Variants in ZMAT4 observed in about 807,000 individuals in gnomAD.
ZMAT4 encodes zinc finger matrin-type protein 4.
Under a neutral mutation model 28.7 loss-of-function variants are expected in ZMAT4, and 17 were observed. That is an observed-to-expected ratio of 0.59 (90% CI 0.41 to 0.89). The LOEUF (loss-of-function observed/expected upper bound fraction) is 0.89, where lower values mean the gene tolerates loss of function less well. Among genes scored for constraint, ZMAT4 ranks in the 40% least tolerant of loss-of-function variants. The pLI is 0.00. For missense variants in ZMAT4, 240 were observed against 283.8 expected, an observed-to-expected ratio of 0.85 and a Z score of 1.11; for synonymous variants, 117 against 109.2, an observed-to-expected ratio of 1.07 and a Z score of -0.44.
chr8:40,667,336 A>T (rs1404208410), intron 5 of ZMAT4, among the ~76,000 whole-genome samples: 1 of 151,962 alleles, frequency 6.6e-6, no homozygotes. Flanking sequence ...TTGTATTTTT[A>T]GTAGAGACAG....
chr8:40,645,156 A>T (rs1165113861), intron 5 of ZMAT4, among the ~76,000 whole-genome samples: 1 of 152,232 alleles, frequency 6.6e-6, no homozygotes, highest in African/African-American at 2.4e-5. Flanking sequence ...ATTAATTGTG[A>T]CAAATGTGAG....
At chr8:40,758,731 T>C (rs1262518953) in intron 3 of ZMAT4, among the ~76,000 whole-genome samples, 1 of 152,066 alleles carries the variant, frequency 6.6e-6, no homozygotes, top group Non-Finnish European at 1.5e-5. Flanking sequence ...TAAATAGGAT[T>C]TTGACCCTTC....
intron 3 of ZMAT4, among the ~76,000 whole-genome samples, chr8:40,732,895 G>T (rs909422318): frequency 4.3e-5 from 6 of 140,572 alleles, no homozygotes; most frequent in African/African-American, 8.0e-5. Context: ...GCTCAGGCTG[G>T]AATGCAGTGG....
intron 6 of ZMAT4, among the ~76,000 whole-genome samples, chr8:40,554,551 C>T (rs1219321016): frequency 6.6e-6 from 1 of 152,112 alleles, no homozygotes; most frequent in Admixed American, 6.6e-5. Context: ...CTGTCTCATA[C>T]CACTTTCTCA....
intron 6 of ZMAT4, among the ~76,000 whole-genome samples, chr8:40,573,201 A>G (rs57043464): frequency 0.11 from 16,184 of 152,176 alleles, 1,552 homozygotes; most frequent in African/African-American, 0.26. Context: ...GCTTAGTAAA[A>G]TGTGTCTAAA....
intron 5 of ZMAT4, among the ~76,000 whole-genome samples, chr8:40,584,857 C>T (rs544611836): frequency 3.3e-5 from 5 of 152,262 alleles, no homozygotes; most frequent in East Asian, 1.9e-4. Context: ...TGGTCTCAAA[C>T]GCCAGATCTC....
chr8:40,750,812 A>G (rs1196809059), intron 3 of ZMAT4, among the ~76,000 whole-genome samples: 2 of 152,222 alleles, frequency 1.3e-5, no homozygotes, highest in Non-Finnish European at 2.9e-5. Context: ...CCCCCCAAAA[A>G]CAAACACCAG....
chr8:40,673,218 T>C (rs555946255), intron 5 of ZMAT4, among the ~76,000 whole-genome samples: 2 of 152,312 alleles, frequency 1.3e-5, no homozygotes, highest in South Asian at 4.1e-4. Context: ...CCACCCACTT[T>C]TCTAGTTCCA....
chr8:40,580,258 C>T (rs1804416063), intron 6 of ZMAT4, among the ~76,000 whole-genome samples: 2 of 152,060 alleles, frequency 1.3e-5, no homozygotes, highest in Admixed American at 1.3e-4. Context: ...CTGATCCGCC[C>T]ACCTCAGCCT....
At chr8:40,646,895 T>C (rs1033779490) in intron 5 of ZMAT4, among the ~76,000 whole-genome samples, 3 of 152,238 alleles carry the variant, frequency 2.0e-5, no homozygotes, top group Non-Finnish European at 2.9e-5. Flanking sequence ...AAAAACAGTA[T>C]ACATATTCTT....
intron 5 of ZMAT4, among the ~76,000 whole-genome samples, chr8:40,583,716 C>T (rs543703968): frequency 5.3e-5 from 8 of 152,224 alleles, no homozygotes; most frequent in Non-Finnish European, 2.9e-5. Flanking sequence ...TTTTAGGGAG[C>T]CACGAGGCAT....
At chr8:40,827,813 T>A (rs1816125389) in intron 1 of ZMAT4, among the ~76,000 whole-genome samples, 1 of 152,184 alleles carries the variant, frequency 6.6e-6, no homozygotes, top group South Asian at 2.1e-4. Context: ...AGGCAACCTG[T>A]TCCAGAGAGG....
At chr8:40,895,319 C>T (rs535442291) in intron 1 of ZMAT4, among the ~76,000 whole-genome samples, 4 of 152,310 alleles carry the variant, frequency 2.6e-5, no homozygotes, top group South Asian at 2.1e-4. Context: ...CAAACAGGCA[C>T]GCAGCTTCAC....
At chr8:40,814,995 C>G (rs1815473362) in intron 2 of ZMAT4, among the ~76,000 whole-genome samples, 1 of 152,118 alleles carries the variant, frequency 6.6e-6, no homozygotes, top group Non-Finnish European at 1.5e-5. Context: ...ACAGGAGAGG[C>G]CAGGCTTGGC....
chr8:40,666,880 C>CA (rs1340475139), intron 5 of ZMAT4, among the ~76,000 whole-genome samples: 3 of 151,682 alleles, frequency 2.0e-5, no homozygotes, highest in Non-Finnish European at 4.4e-5. Context: ...CTAGAAATAT[C>CA]AAAAAATTAA....
chr8:40,619,626 G>A (rs1328069232), intron 5 of ZMAT4, among the ~76,000 whole-genome samples: 2 of 152,188 alleles, frequency 1.3e-5, no homozygotes, highest in Admixed American at 6.5e-5. Flanking sequence ...GGCATGCAGG[G>A]GCAAGGTCCA....
intron 5 of ZMAT4, among the ~76,000 whole-genome samples, chr8:40,597,061 A>G (rs1208147600): frequency 6.6e-6 from 1 of 152,218 alleles, no homozygotes; most frequent in Non-Finnish European, 1.5e-5. Context: ...ATTATAATCT[A>G]TGTGAGATAT....
chr8:40,677,465 T>C (rs1441567043), intron 4 of ZMAT4, among the ~76,000 whole-genome samples: 1 of 152,148 alleles, frequency 6.6e-6, no homozygotes. Context: ...TGTGTGACCT[T>C]TGGCAAATTT....
intron 6 of ZMAT4, among the ~76,000 whole-genome samples, chr8:40,578,886 G>T (rs1359252909): frequency 6.6e-6 from 1 of 152,114 alleles, no homozygotes; most frequent in African/African-American, 2.4e-5. Flanking sequence ...CTCTCTATTG[G>T]CTCCCATTCC....
Sources: gnomAD v4.1 joint callset for allele counts (sites outside exome capture counted in the v4.1 genomes callset) on GRCh38, gnomAD v4.1.1 for gene constraint, MANE v1.5 for transcripts, NCBI Gene and HGNC (gene_info 2026-07-23, HGNC 2026-07-21) for gene names.